TNFSF10: variants seen among roughly 807,000 people sequenced by gnomAD.
TNFSF10 encodes tumor necrosis factor ligand superfamily member 10.
A neutral mutation model predicts 29.5 loss-of-function variants in TNFSF10; 13 were observed. The observed-to-expected ratio is 0.44, with a 90% confidence interval of 0.29 to 0.70. The LOEUF (loss-of-function observed/expected upper bound fraction) is 0.70, where lower values mean the gene tolerates loss of function less well. TNFSF10 is among the 30% of genes least tolerant of loss of function. The pLI, the probability that TNFSF10 is intolerant of heterozygous loss-of-function variation, is 0.13. For missense variants in TNFSF10, 345 were observed against 330.9 expected, an observed-to-expected ratio of 1.04 and a Z score of -0.33; for synonymous variants, 111 against 112.8, an observed-to-expected ratio of 0.98 and a Z score of 0.10.
intron 3 of TNFSF10, 159 bp downstream of exon 3, chr3:172,511,457 TA>T: frequency 1.9e-6 from 1 of 535,346 alleles, no homozygotes; most frequent in Non-Finnish European, 3.2e-6. Context: ...GCTGCCAATG[TA>T]AAGAGGGAAG....
At chr3:172,516,187 C>G (rs1463825127) in intron 1 of TNFSF10, among the ~76,000 whole-genome samples, 2 of 151,624 alleles carry the variant, frequency 1.3e-5, no homozygotes, top group African/African-American at 4.9e-5. Flanking sequence ...TGGTGTGAAC[C>G]CGGGAGGCGG....
chr3:172,506,733 T>C lies in TNFSF10; in HGVS notation c.605A>G (p.Asn202Ser), dbSNP rs1231046969. ...FQEEIKENTK[N>S]DKQMVQYIYK... ...AATATATTGGACCATTTGTTTGTCG[T>C]TCTTTGTGTTTTCTTTTATTTCCTC... Residue 202 changes from asparagine (N) to serine (S), a missense_variant, in exon 5 of 5, where the codon AAC becomes AGC. Physicochemically the swap from Asn to Ser is conservative, Grantham distance 46. Transcript: ENST00000241261. The C allele has an allele frequency of 6.2e-7, 1 of 1,614,214 alleles. No individual in the cohort carries two copies. Among genetic ancestry groups the C allele is most frequent in the Non-Finnish European group, 8.5e-7 (1 of 1,180,034 alleles).
intron 1 of TNFSF10, chr3:172,517,796 A>G (rs1713497906): frequency 6.1e-6 from 6 of 981,836 alleles, no homozygotes; most frequent in African/African-American, 1.7e-5. Flanking sequence ...ATAGAAAAAT[A>G]AAAAGGAAAA....
rs1424845106 is a variant in TNFSF10, at chr3:172,509,248, G to T, written c.387C>A (p.Thr129=). The change falls in exon 4 of 5, where the codon ACC becomes ACA. Residue 129 remains threonine, a synonymous_variant. Transcript: ENST00000241261. ...PQRVAAHITG[T]RGRSNTLSSP... is the part of the protein sequence containing the mutation. ...AAGACAATGTGTTGCTTCTTCCTCT[G>T]GTCCCAGTTATGTGAGCTGCTACTC... The T allele has an allele frequency of 6.2e-7, 1 of 1,613,430 alleles. No homozygotes were observed. The highest frequency in any genetic ancestry group is 1.3e-5 in the African/African-American group (1 of 74,872).
intron 1 of TNFSF10, chr3:172,518,295 G>A (rs1452787675): frequency 8.5e-7 from 1 of 1,180,848 alleles, no homozygotes; most frequent in Non-Finnish European, 1.1e-6. Flanking sequence ...GATTTCCATG[G>A]TGACTGCTCT....
chr3:172,517,784 A>G (rs1473094043), intron 1 of TNFSF10: 2 of 981,974 alleles, frequency 2.0e-6, no homozygotes, highest in Non-Finnish European at 2.4e-6. Context: ...AATTTGTAAA[A>G]TATAGAAAAA....
intron 2 of TNFSF10, among the ~76,000 whole-genome samples, chr3:172,513,211 G>C (rs1306139718): frequency 1.3e-5 from 2 of 152,080 alleles, no homozygotes; most frequent in Non-Finnish European, 2.9e-5. Context: ...CCCACTCCCT[G>C]TCCACAGCAC....
In TNFSF10 at chr3:172,506,707, A is replaced by G. The variant is rs1400275104; in HGVS notation, c.631T>C (p.Tyr211His). The G allele has an allele frequency of 1.2e-6, 2 of 1,614,202 alleles. No homozygotes were observed. Among genetic ancestry groups the G allele is most frequent in the African/African-American group, 2.7e-5 (2 of 75,062 alleles). ...GGGTCAGGATAACTTGTGTATTTGT[A>G]AATATATTGGACCATTTGTTTGTCG... Reference protein sequence around the residue: ...KNDKQMVQYIYKYTSYPDPIL... With the variant: ...KNDKQMVQYIHKYTSYPDPIL... The change falls in exon 5 of 5, where the codon TAC becomes CAC. Residue 211 changes from tyrosine to histidine, a missense_variant. Coordinates refer to ENST00000241261, the MANE Select transcript of TNFSF10 (RefSeq NM_003810.4).
At chr3:172,508,108 CG>C (rs764801418) in intron 4 of TNFSF10, among the ~76,000 whole-genome samples, 93 of 151,630 alleles carry the variant, frequency 6.1e-4, no homozygotes, top group African/African-American at 1.9e-3. Context: ...TTTGGGAGGC[CG>C]GGGGGGTGTG....
intron 1 of TNFSF10, among the ~76,000 whole-genome samples, chr3:172,519,134 C>A (rs1418506927): frequency 1.3e-5 from 2 of 152,174 alleles, no homozygotes. Context: ...CCAGGCAATA[C>A]TTTTCAAAGT....
intron 3 of TNFSF10, 40 bp downstream of exon 3, chr3:172,511,577 T>G: frequency 6.5e-7 from 1 of 1,533,168 alleles, no homozygotes; most frequent in South Asian, 1.1e-5. Flanking sequence ...GTCATGAAGA[T>G]GACAGTAAAA....
intron 3 of TNFSF10, among the ~76,000 whole-genome samples, chr3:172,510,466 G>A (rs969716884): frequency 1.3e-5 from 2 of 152,082 alleles, no homozygotes; most frequent in African/African-American, 4.8e-5. Context: ...CAAGGATATG[G>A]ATAGGAAAGC....
At chr3:172,510,206 G>C (rs527957165) in intron 3 of TNFSF10, among the ~76,000 whole-genome samples, 8 of 152,294 alleles carry the variant, frequency 5.3e-5, no homozygotes, top group African/African-American at 1.9e-4. Flanking sequence ...GAATTAGAAA[G>C]TGACAATTTG....
rs1244129863 is a variant in TNFSF10, at chr3:172,506,606, T to C, written c.732A>G (p.Gln244=). 6.2e-7 allele frequency: 1 copy of C among 1,614,198 alleles called. No individual in the cohort carries two copies. The highest frequency in any genetic ancestry group is 8.5e-7 in the Non-Finnish European group (1 of 1,180,032). Reference sequence around the variant, plus strand: ...TTTCCTTAAGCTCAAATATTCCCCCTTGATAGATGGAATAGAGTCCATATT... The same window carrying C: ...TTTCCTTAAGCTCAAATATTCCCCCCTGATAGATGGAATAGAGTCCATATT... ...DAEYGLYSIY[Q]GGIFELKEND... is the part of the protein sequence containing the mutation. The change falls in exon 5 of 5, where the codon CAA becomes CAG. Residue 244 remains glutamine, a synonymous_variant. Coordinates refer to ENST00000241261, the MANE Select transcript of TNFSF10 (RefSeq NM_003810.4).
At chr3:172,516,071 G>A (rs559693391) in intron 1 of TNFSF10, among the ~76,000 whole-genome samples, 1 of 152,174 alleles carries the variant, frequency 6.6e-6, no homozygotes, top group East Asian at 1.9e-4. Context: ...GACCATCCTG[G>A]CTAACCCAGT....
intron 1 of TNFSF10, chr3:172,518,020 G>T: frequency 1.0e-6 from 1 of 987,648 alleles, no homozygotes; most frequent in Non-Finnish European, 1.2e-6. Context: ...ACACATGGCG[G>T]GTTGACGTGA....
rs1275794983 is a variant in TNFSF10 at position 172,515,956 on chromosome 3, T to C, written c.133-958A>G. ...AACAAGTGGGATGGAAGAGACGTTATTTCCCTGAAAAAATCTGCTGAATTG... is the reference window on the plus strand; with the variant it reads ...AACAAGTGGGATGGAAGAGACGTTACTTCCCTGAAAAAATCTGCTGAATTG... On this transcript the variant is annotated intron_variant, in intron 1 of 4. Coordinates refer to ENST00000241261, the MANE Select transcript of TNFSF10 (RefSeq NM_003810.4). 3.9e-5 allele frequency among the ~76,000 whole-genome samples: 6 copies of C among 152,326 alleles called. No individual in the cohort carries two copies. The East Asian group carries it at 1.2e-3, about 29-fold the overall frequency.
intron 1 of TNFSF10, chr3:172,517,440 A>G: frequency 1.0e-6 from 1 of 985,262 alleles, no homozygotes; most frequent in Non-Finnish European, 1.2e-6. Context: ...CCAGGAGTTT[A>G]TAAAGCCTGG....
intron 4 of TNFSF10, among the ~76,000 whole-genome samples, chr3:172,508,915 AAAAG>A (rs1437043494): frequency 6.0e-5 from 9 of 150,416 alleles, no homozygotes; most frequent in African/African-American, 7.4e-5. Flanking sequence ...GAAAGAAAGA[AAAAG>A]AAAGAAAGAA....
Sources: allele counts gnomAD v4.1 joint callset (sites outside exome capture counted in the v4.1 genomes callset), GRCh38; gene constraint gnomAD v4.1.1; transcripts MANE v1.5; gene names NCBI Gene and HGNC (gene_info 2026-07-23, HGNC 2026-07-21).